The following STK32B variants were observed in gnomAD, a reference collection of about 807,000 sequenced individuals.
STK32B encodes serine/threonine-protein kinase 32B.
A neutral mutation model predicts 52.6 loss-of-function variants in STK32B; 43 were observed. The ratio of observed to expected loss-of-function variants is 0.82; its 90% CI spans 0.64 to 1.05. The LOEUF (loss-of-function observed/expected upper bound fraction) is 1.05, where lower values mean the gene tolerates loss of function less well. Ranked by LOEUF, STK32B falls within the 50% of genes least tolerant of loss-of-function variation. The pLI is 0.00. For synonymous variants in STK32B, 238 were observed against 204.3 expected (o/e 1.17, Z -1.41); for missense variants, 621 against 534.6 (o/e 1.16, Z -1.59).
intron 4 of STK32B, among the ~76,000 whole-genome samples, chr4:5,348,776 G>A (rs1733637931): frequency 6.6e-6 from 1 of 152,142 alleles, no homozygotes; most frequent in South Asian, 2.1e-4. Context: ...CCATCAGGGG[G>A]CCTGAGGACA....
chr4:5,051,437 G>A (rs1741771353), upstream of STK32B: 2 of 194,438 alleles, frequency 1.0e-5, no homozygotes, highest in Non-Finnish European at 2.0e-5. Flanking sequence ...CCCTGCCGCC[G>A]CCCACTGCGT....
intron 4 of STK32B, among the ~76,000 whole-genome samples, chr4:5,343,462 A>G (rs1241566606): frequency 3.3e-5 from 5 of 152,142 alleles, no homozygotes; most frequent in Non-Finnish European, 5.9e-5. Context: ...TTGGCTATAT[A>G]CCCAGTAATG....
At chr4:5,219,218 G>A (rs1169189282) in intron 3 of STK32B, among the ~76,000 whole-genome samples, 1 of 152,204 alleles carries the variant, frequency 6.6e-6, no homozygotes, top group East Asian at 1.9e-4. Flanking sequence ...CACCCAGGAG[G>A]GGCCACAGTC....
chr4:5,247,425 C>T (rs1048122432), intron 3 of STK32B, among the ~76,000 whole-genome samples: 16 of 152,290 alleles, frequency 1.1e-4, no homozygotes, highest in East Asian at 5.8e-4. Context: ...GTTGGAAGAG[C>T]GCAGTGTTAG....
chr4:5,379,000 G>A lies in STK32B; in HGVS notation c.435-19207G>A, dbSNP rs1251966999. ...GTCAGGCCCTGGCTGTGCTGATGGTGAGCTCTGAAAGAGATTCCAGGGTCA... is the reference window on the plus strand; with the variant it reads ...GTCAGGCCCTGGCTGTGCTGATGGTAAGCTCTGAAAGAGATTCCAGGGTCA... On this transcript the variant is annotated intron_variant, in intron 4 of 11. Transcript: ENST00000282908. This position sits in a 1 kb window ranked among gnomAD's most constrained non-coding sequence, Gnocchi z 4.4. Among the ~76,000 whole-genome samples, 1 of 152,168 alleles carries A rather than the reference G, an allele frequency of 6.6e-6. No individual in the cohort carries two copies. The highest frequency in any genetic ancestry group is 1.5e-5 in the Non-Finnish European group (1 of 68,018).
At position 5,098,093 on chromosome 4, in the gene STK32B, G is replaced by A. The variant is rs547264407; in HGVS notation, c.53-41812G>A. 8.0e-4 allele frequency among the ~76,000 whole-genome samples: 122 copies of A among 152,284 alleles called. 1 individual carries two copies. Among genetic ancestry groups the A allele is most frequent in the African/African-American group, 2.5e-3 (102 of 41,556 alleles). ...GGCAGGGTTCCAAGAAACATCACTC[G>A]CATTATATTTTATTGGTCAAATCAG... On this transcript the variant is annotated intron_variant, in intron 1 of 11. Transcript: ENST00000282908.
chr4:5,335,354 T>C (rs1732584944), intron 4 of STK32B, among the ~76,000 whole-genome samples: 1 of 152,186 alleles, frequency 6.6e-6, no homozygotes, highest in South Asian at 2.1e-4. Flanking sequence ...TGCATCTATT[T>C]GATTCTTCTC....
At chr4:5,022,471 C>G in the STK32B span, among the ~76,000 whole-genome samples, 1 of 152,194 alleles carries the variant, frequency 6.6e-6, no homozygotes, top group African/African-American at 2.4e-5. Flanking sequence ...TCTCCTTCAC[C>G]ACGAATCACC....
At chr4:5,479,757 C>A (rs1346964772) in intron 11 of STK32B, among the ~76,000 whole-genome samples, 1 of 152,162 alleles carries the variant, frequency 6.6e-6, no homozygotes, top group Non-Finnish European at 1.5e-5. Context: ...AATATCCACC[C>A]CCCATTTCCA....
chr4:5,424,659 A>G (rs935087093), intron 6 of STK32B, among the ~76,000 whole-genome samples: 3 of 152,246 alleles, frequency 2.0e-5, no homozygotes, highest in South Asian at 2.1e-4. Flanking sequence ...CTGTAGCTCA[A>G]TAAAGCACCT....
At chr4:5,497,463 C>T (rs995010008) in intron 11 of STK32B, among the ~76,000 whole-genome samples, 1 of 152,216 alleles carries the variant, frequency 6.6e-6, no homozygotes, top group Non-Finnish European at 1.5e-5. Context: ...TGGTTCCTGC[C>T]CAGTCCACTA....
chr4:5,255,739 T>C (rs951316020), intron 3 of STK32B, among the ~76,000 whole-genome samples: 6 of 152,234 alleles, frequency 3.9e-5, no homozygotes, highest in African/African-American at 1.4e-4. Flanking sequence ...CATAATGTCA[T>C]TGATATACTA....
chr4:5,360,679 G>A (rs1027104224), intron 4 of STK32B, among the ~76,000 whole-genome samples: 2 of 152,124 alleles, frequency 1.3e-5, no homozygotes, highest in Non-Finnish European at 2.9e-5. Context: ...GGTGGCACAT[G>A]CCTGTAATCC....
intron 3 of STK32B, among the ~76,000 whole-genome samples, chr4:5,309,224 G>A (rs188956936): frequency 4.2e-4 from 64 of 152,030 alleles, no homozygotes; most frequent in African/African-American, 1.3e-3. Flanking sequence ...ATAAAACAGC[G>A]ATGAAAGAAA....
intron 11 of STK32B, among the ~76,000 whole-genome samples, chr4:5,497,793 C>T (rs138520954): frequency 6.6e-6 from 1 of 152,190 alleles, no homozygotes; most frequent in Non-Finnish European, 1.5e-5. Context: ...CCCTCAGGAC[C>T]CTGCATATAA....
At chr4:5,403,813 G>T (rs2109053458) in intron 5 of STK32B, among the ~76,000 whole-genome samples, 1 of 152,182 alleles carries the variant, frequency 6.6e-6, no homozygotes, top group South Asian at 2.1e-4. Flanking sequence ...CATCAGATTT[G>T]GGGACTGTAG....
chr4:5,497,333 A>G (rs1720356201), intron 11 of STK32B, among the ~76,000 whole-genome samples: 1 of 152,176 alleles, frequency 6.6e-6, no homozygotes, highest in African/African-American at 2.4e-5. Context: ...GCAAACACAG[A>G]CAGAAAATAA....
rs555170725 is a variant in STK32B at position 5,429,111 on chromosome 4, T to A, written c.562+12177T>A. 7.2e-5 allele frequency among the ~76,000 whole-genome samples: 11 copies of A among 152,334 alleles called. No individual in the cohort carries two copies. In the South Asian group the frequency reaches 1.7e-3, roughly 23 times the overall value. On this transcript the variant is annotated intron_variant, in intron 6 of 11. Coordinates refer to ENST00000282908, the MANE Select transcript of STK32B (RefSeq NM_018401.3). ...TTGGGAAGAGATGCTAACAGTATGC[T>A]CTTGTGAGCCAGTATAACCCTACTC...
intron 3 of STK32B, among the ~76,000 whole-genome samples, chr4:5,216,990 T>C (rs1321539756): frequency 6.6e-6 from 1 of 152,166 alleles, no homozygotes; most frequent in African/African-American, 2.4e-5. Context: ...TGAGTGTGTG[T>C]TGAACAAGGC....
Sources: gnomAD v4.1 joint callset for allele counts (sites outside exome capture counted in the v4.1 genomes callset) on GRCh38, gnomAD v4.1.1 for gene constraint, Gnocchi (gnomAD v3.1) non-coding constraint, MANE v1.5 for transcripts, NCBI Gene and HGNC (gene_info 2026-07-23, HGNC 2026-07-21) for gene names.